The following PEX14 variants were observed in gnomAD, a reference collection of about 807,000 sequenced individuals.
The protein encoded by PEX14 is peroxisomal membrane protein PEX14.
A neutral mutation model predicts 49.5 loss-of-function variants in PEX14; 15 were observed. The observed-to-expected ratio is 0.30, with a 90% CI of 0.20 to 0.47. The LOEUF is 0.47. Among genes scored for constraint, PEX14 ranks in the 20% least tolerant of loss-of-function variants. The pLI, the probability that PEX14 is intolerant of heterozygous loss-of-function variation, is 1.00. For synonymous variants in PEX14, 210 were observed against 212.7 expected, an observed-to-expected ratio of 0.99 and a Z score of 0.11; for missense variants, 398 against 494.8, an observed-to-expected ratio of 0.80 and a Z score of 1.86.
In PEX14 at chr1:10,599,137, G is replaced by T. The variant is rs796165416; in HGVS notation, c.170-101G>T. 2.4e-5 allele frequency: 29 copies of T among 1,206,414 alleles called. No individual in the cohort carries two copies. The African/African-American group carries it at 4.0e-4, about 17-fold the overall frequency. The allele number at this position is 1,206,414 out of a possible 1,614,324, so 74.7% of individuals were successfully genotyped here. A position where few individuals can be genotyped will look rare whatever the true frequency, so the allele number is the denominator to read the frequency against. ...GGGAGGCAACTTACTAGGATGCGAG[G>T]CATTCTGTGGCTGTAAAGGTCTTTG... On this transcript the variant is annotated intron_variant, in intron 3 of 8. Transcript: ENST00000356607.
rs1473280376 is a variant in PEX14, at chr1:10,480,597, T to C, written c.36+5595T>C. 3.3e-5 allele frequency among the ~76,000 whole-genome samples: 5 copies of C among 152,092 alleles called. No individual in the cohort carries two copies. The East Asian group carries it at 9.7e-4, about 29-fold the overall frequency. On this transcript the variant is annotated intron_variant, in intron 1 of 8. Transcript: ENST00000356607. ...TTTTAGTAGAGATGGGGTTTTGCCA[T>C]GTTGGCCAGGCTAGTCTTGAATGCT...
intron 3 of PEX14, among the ~76,000 whole-genome samples, chr1:10,563,335 C>T (rs557099913): frequency 2.0e-5 from 3 of 151,824 alleles, no homozygotes; most frequent in Admixed American, 6.6e-5. Flanking sequence ...CGCGGTTGCT[C>T]ACGCCTGTAA....
At chr1:10,555,181 A>G (rs1639450506) in intron 3 of PEX14, among the ~76,000 whole-genome samples, 1 of 152,038 alleles carries the variant, frequency 6.6e-6, no homozygotes, top group African/African-American at 2.4e-5. Flanking sequence ...CCTGTCCGGG[A>G]TAGTCACTGT....
intron 1 of PEX14, among the ~76,000 whole-genome samples, chr1:10,487,481 CTTTTT>C (rs33968565): frequency 4.6e-5 from 4 of 86,756 alleles, no homozygotes; most frequent in African/African-American, 1.7e-4. Flanking sequence ...TTCTTTCTTT[CTTTTT>C]TTTTTTTTTT....
intron 3 of PEX14, among the ~76,000 whole-genome samples, chr1:10,590,199 G>A (rs1026864818): frequency 7.2e-5 from 11 of 152,224 alleles, no homozygotes; most frequent in Admixed American, 5.9e-4. Flanking sequence ...AAAACCGTGA[G>A]CCTGCAAACA....
Position 10,495,298 on chromosome 1 carries a change from A to C in PEX14, c.61A>C (p.Asn21His). Reference sequence around the variant, plus strand: ...GCCAAGCTCTACTCCAGGAAGTGAAAATGTGCTGCCTCGAGAGCCGCTGGT... The same window carrying C: ...GCCAAGCTCTACTCCAGGAAGTGAACATGTGCTGCCTCGAGAGCCGCTGGT... ...SQPSSTPGSE[N>H]VLPREPLIAT... The change falls in exon 2 of 9, where the codon AAT (asparagine) becomes CAT (histidine). Residue 21 changes from asparagine (N) to histidine (H), a missense_variant. Transcript: ENST00000356607. This position sits in a 1 kb window ranked among gnomAD's most constrained non-coding sequence, Gnocchi z 4.2. The C allele has an allele frequency of 6.2e-7, 1 of 1,613,972 alleles. No individual in the cohort carries two copies. Among genetic ancestry groups the C allele is most frequent in the Middle Eastern group, 1.7e-4 (1 of 6,058 alleles).
chr1:10,579,714 G>A (rs1004372572), intron 3 of PEX14, among the ~76,000 whole-genome samples: 10 of 152,074 alleles, frequency 6.6e-5, no homozygotes, highest in Admixed American at 1.3e-4. Context: ...TTGCCATGGC[G>A]TCTGTAAACT....
intron 4 of PEX14, among the ~76,000 whole-genome samples, chr1:10,607,226 T>C (rs1641153659): frequency 6.6e-6 from 1 of 152,150 alleles, no homozygotes; most frequent in African/African-American, 2.4e-5. Context: ...TCCGAAGCCT[T>C]TTCCTTTTTA....
chr1:10,477,228 G>A (rs1308082703), intron 1 of PEX14, among the ~76,000 whole-genome samples: 3 of 152,108 alleles, frequency 2.0e-5, no homozygotes, highest in Admixed American at 2.0e-4. Context: ...CCGCCACCAT[G>A]CCCAGCTAAT....
In PEX14 at chr1:10,494,305, G is replaced by A. The variant is rs6675665; in HGVS notation, c.37-969G>A. 0.041 allele frequency among the ~76,000 whole-genome samples: 6,295 copies of A among 152,246 alleles called. 461 individuals are homozygous for A. The highest frequency in any genetic ancestry group is 0.14 in the African/African-American group (5,927 of 41,514). ...CACTTCCATCTGATCTGTAATAGCC[G>A]GGAGAATGGAGGCTGCAGGCTGTCT... On this transcript the variant is annotated intron_variant, in intron 1 of 8. Transcript: ENST00000356607. The surrounding 1 kb of genome is among the most constrained non-coding windows in gnomAD (Gnocchi z 4.3).
intron 2 of PEX14, 157 bp from the exon 3 acceptor site, chr1:10,536,056 T>G: frequency 1.5e-6 from 1 of 667,888 alleles, no homozygotes; most frequent in Non-Finnish European, 2.8e-6. Flanking sequence ...TCGCCTTTCA[T>G]TTAGGTAGAT....
At chr1:10,496,134 G>T (rs776540293) in intron 2 of PEX14, among the ~76,000 whole-genome samples, 1 of 152,178 alleles carries the variant, frequency 6.6e-6, no homozygotes, top group South Asian at 2.1e-4. Flanking sequence ...AGGAGATGAC[G>T]TGAGGGACTT....
At chr1:10,611,750 G>A (rs192080051) in intron 4 of PEX14, among the ~76,000 whole-genome samples, 1 of 152,304 alleles carries the variant, frequency 6.6e-6, no homozygotes, top group African/African-American at 2.4e-5. Flanking sequence ...ATGACATCAA[G>A]CATATTTTCA....
chr1:10,546,293 C>T (rs1290968977), intron 3 of PEX14, among the ~76,000 whole-genome samples: 2 of 152,080 alleles, frequency 1.3e-5, no homozygotes, highest in African/African-American at 4.8e-5. Flanking sequence ...AGGCCGGGTG[C>T]AGTGGCTCAA....
chr1:10,574,131 G>T (rs1279288680), intron 3 of PEX14, among the ~76,000 whole-genome samples: 3 of 152,078 alleles, frequency 2.0e-5, no homozygotes, highest in South Asian at 2.1e-4. Context: ...GCCAAAACCT[G>T]GGGGGAAGTG....
chr1:10,514,154 C>CTGTGTGTGTGTGTG lies in PEX14; in HGVS notation c.84+18834_84+18835insGTGTGTGTGTGTGT, dbSNP rs1557820855. On this transcript the variant is annotated intron_variant, in intron 2 of 8. Transcript: ENST00000356607. This position sits in a 1 kb window ranked among gnomAD's most constrained non-coding sequence, Gnocchi z 4.4. ...AAAAAATGTATAAAATAATCTATGCCTCTGTGTGTGTGTGTGTGTGTGTGT... is the reference window on the plus strand; with the variant it reads ...AAAAAATGTATAAAATAATCTATGCCTGTGTGTGTGTGTGTCTGTGTGTGTGTGTGTGTGTGTGT... 1.1e-5 allele frequency among the ~76,000 whole-genome samples: 1 copy of CTGTGTGTGTGTGTG among 89,548 alleles called. No individual in the cohort carries two copies. The highest frequency in any genetic ancestry group is 2.1e-5 in the Non-Finnish European group (1 of 46,826). The allele number at this position is 89,548 out of a possible 152,430, so 58.7% of individuals were successfully genotyped here. A position where few individuals can be genotyped will look rare whatever the true frequency, so the allele number is the denominator to read the frequency against.
rs115126487 is a variant in PEX14 at position 10,539,297 on chromosome 1, T to C, written c.169+3000T>C. On this transcript the variant is annotated intron_variant, in intron 3 of 8. Transcript: ENST00000356607. The surrounding 1 kb of genome is among the most constrained non-coding windows in gnomAD (Gnocchi z 4.6). The stretch of plus-strand genomic sequence containing the variant: ...TTTTTGTTTTTTGTTTTGAGATCTC[T>C]TTCGGATGCTTTAAAATCTGAACAT... Among the ~76,000 whole-genome samples the C allele has an allele frequency of 5.0e-3, 766 of 152,264 alleles. 3 individuals are homozygous for C. Among genetic ancestry groups the C allele is most frequent in the African/African-American group, 0.017 (721 of 41,548 alleles).
intron 5 of PEX14, among the ~76,000 whole-genome samples, chr1:10,618,876 C>G (rs901297310): frequency 6.6e-6 from 1 of 152,212 alleles, no homozygotes; most frequent in African/African-American, 2.4e-5. Context: ...AATAACAGTC[C>G]CCACTTCACA....
rs554060972 is a variant in PEX14 at position 10,576,489 on chromosome 1, C to T, written c.170-22749C>T. ...AACCAGTGATTTAAATATTCATCCA[C>T]ATTTCGTTTTAGTTTTTATGGTTTA... On this transcript the variant is annotated intron_variant, in intron 3 of 8. Transcript: ENST00000356607. Among the ~76,000 whole-genome samples the T allele has an allele frequency of 3.9e-5, 6 of 152,292 alleles. No individual in the cohort carries two copies. In the East Asian group the frequency reaches 1.2e-3, roughly 29 times the overall value.
Sources: gnomAD v4.1 joint callset for allele counts (sites outside exome capture counted in the v4.1 genomes callset) on GRCh38, gnomAD v4.1.1 for gene constraint, Gnocchi (gnomAD v3.1) non-coding constraint, MANE v1.5 for transcripts, NCBI Gene and HGNC (gene_info 2026-07-23, HGNC 2026-07-21) for gene names.